The following CACNA2D2 variants were observed in gnomAD, a reference collection of about 807,000 sequenced individuals.
CACNA2D2 encodes the protein voltage-dependent calcium channel subunit alpha-2/delta-2.
In CACNA2D2, 48 loss-of-function variants were observed where a neutral mutation model predicts 166.4. That is an observed-to-expected ratio of 0.29 (90% confidence interval 0.23 to 0.37). CACNA2D2 has a LOEUF of 0.37. Among genes scored for constraint, CACNA2D2 ranks in the 10% least tolerant of loss-of-function variants. CACNA2D2 has a pLI of 1.00. For missense variants in CACNA2D2, 1,122 were observed against 1,433.0 expected, an observed-to-expected ratio of 0.78 and a Z score of 3.50; for synonymous variants, 561 against 573.7, an observed-to-expected ratio of 0.98 and a Z score of 0.32.
At chr3:50,406,593 T>G (rs1706724519) in intron 3 of CACNA2D2, among the ~76,000 whole-genome samples, 1 of 150,378 alleles carries the variant, frequency 6.6e-6, no homozygotes, top group Non-Finnish European at 1.5e-5. Flanking sequence ...ATCCTCCCCA[T>G]CACCATTGCC....
intron 2 of CACNA2D2, among the ~76,000 whole-genome samples, chr3:50,464,682 C>T (rs959878362): frequency 6.6e-6 from 1 of 152,206 alleles, no homozygotes; most frequent in African/African-American, 2.4e-5. Flanking sequence ...GTCTGCTTTG[C>T]CCCTAGAAGG....
chr3:50,461,191 T>C (rs1412701937), intron 2 of CACNA2D2, among the ~76,000 whole-genome samples: 1 of 151,948 alleles, frequency 6.6e-6, no homozygotes. Flanking sequence ...AGGGAGAAAA[T>C]TTACAAGTTT....
At chr3:50,393,662 C>T (rs1451285104) in intron 4 of CACNA2D2, among the ~76,000 whole-genome samples, 1 of 152,206 alleles carries the variant, frequency 6.6e-6, no homozygotes, top group African/African-American at 2.4e-5. Context: ...AGCCTGAGGG[C>T]CTCCAGGGTG....
intron 3 of CACNA2D2, among the ~76,000 whole-genome samples, chr3:50,431,983 A>T (rs1259528747): frequency 9.2e-6 from 1 of 108,850 alleles, no homozygotes; most frequent in Non-Finnish European, 2.0e-5. Context: ...TCTGTCTCAA[A>T]AAAAAAAAAA....
At chr3:50,381,263 T>C (rs923923071) in intron 6 of CACNA2D2, 137 bp from the exon 7 acceptor site, 10 of 988,322 alleles carry the variant, frequency 1.0e-5, no homozygotes, top group Non-Finnish European at 1.5e-5. Context: ...CCCTATTTCC[T>C]AGGGCCCAGC....
intron 22 of CACNA2D2, chr3:50,372,975 G>A (rs1180697147): frequency 3.9e-6 from 4 of 1,032,462 alleles, no homozygotes; most frequent in Non-Finnish European, 4.3e-6. Flanking sequence ...GCAGGGGTTT[G>A]GCTGGTCCTG....
At chr3:50,415,407 G>C (rs1707222662) in intron 3 of CACNA2D2, among the ~76,000 whole-genome samples, 1 of 152,188 alleles carries the variant, frequency 6.6e-6, no homozygotes, top group Non-Finnish European at 1.5e-5. Context: ...CAGGCCTAGG[G>C]CTGCAGATTC....
At chr3:50,454,013 G>A (rs774546047) in intron 2 of CACNA2D2, among the ~76,000 whole-genome samples, 3 of 152,170 alleles carry the variant, frequency 2.0e-5, no homozygotes, top group Admixed American at 6.5e-5. Flanking sequence ...CCCGGGTTCC[G>A]GTGCCTGCTC....
In CACNA2D2 at chr3:50,367,650, G is replaced by A; in HGVS notation, c.2289C>T (p.Phe763=). Reference sequence around the variant, plus strand: ...TGGGATAGGTCACTTACTTGTTGGGGAAGACTCGGGTGATGCCACCGTCTG... The same window carrying A: ...TGGGATAGGTCACTTACTTGTTGGGAAAGACTCGGGTGATGCCACCGTCTG... ...AATDGGITRV[F]PNKAAEDWTE... Residue 763 remains phenylalanine (F), a synonymous_variant, in exon 26 of 38, where the codon TTC becomes TTT. Coordinates refer to ENST00000424201, the MANE Select transcript of CACNA2D2 (RefSeq NM_006030.4). The surrounding 1 kb of genome is among the most constrained non-coding windows in gnomAD (Gnocchi z 6.5). The A allele has an allele frequency of 1.2e-6, 2 of 1,611,684 alleles. No homozygotes were observed. Among genetic ancestry groups the A allele is most frequent in the South Asian group, 2.2e-5 (2 of 90,962 alleles).
chr3:50,395,032 G>C (rs547799259), intron 3 of CACNA2D2, among the ~76,000 whole-genome samples: 2 of 152,242 alleles, frequency 1.3e-5, no homozygotes, highest in East Asian at 3.9e-4. Context: ...GTTCTTATTT[G>C]GTACTTTCTA....
At chr3:50,469,518 A>G (rs1474423221) in intron 2 of CACNA2D2, among the ~76,000 whole-genome samples, 2 of 152,150 alleles carry the variant, frequency 1.3e-5, no homozygotes, top group African/African-American at 4.8e-5. Flanking sequence ...AAGGGCAGGC[A>G]ATTGACAGTG....
At chr3:50,499,251 A>G (rs1340666661) in intron 1 of CACNA2D2, among the ~76,000 whole-genome samples, 2 of 152,194 alleles carry the variant, frequency 1.3e-5, no homozygotes, top group Admixed American at 6.5e-5. Context: ...CTGAGAAAAG[A>G]GCACAGTCAT....
In CACNA2D2 at chr3:50,390,049, C is replaced by T. The variant is rs115310229; in HGVS notation, c.466-2437G>A. Among the ~76,000 whole-genome samples the T allele has an allele frequency of 7.6e-3, 1,157 of 152,202 alleles. 17 individuals are homozygous for T. Among genetic ancestry groups the T allele is most frequent in the African/African-American group, 0.013 (524 of 41,506 alleles). ...GGGTCCCTGAGAAGGCCTCTGTCTG[C>T]TTGGGCCAACACAGTACCTGAATGT... On this transcript the variant is annotated intron_variant, in intron 4 of 37. Transcript: ENST00000424201.
chr3:50,445,515 A>G (rs1305851134), intron 2 of CACNA2D2, among the ~76,000 whole-genome samples: 1 of 152,070 alleles, frequency 6.6e-6, no homozygotes, highest in Admixed American at 6.6e-5. Context: ...CCTACTTCCA[A>G]TTTTTAGGCT....
intron 2 of CACNA2D2, among the ~76,000 whole-genome samples, chr3:50,441,910 C>T (rs1270794976): frequency 6.6e-6 from 1 of 152,222 alleles, no homozygotes; most frequent in Non-Finnish European, 1.5e-5. Flanking sequence ...ACACTCAGGA[C>T]TCCCAAAGCC....
At position 50,497,239 on chromosome 3, in the gene CACNA2D2, C is replaced by CA. The variant is rs556315050; in HGVS notation, c.206+5978dup. On this transcript the variant is annotated intron_variant, in intron 1 of 37. Coordinates refer to ENST00000424201, the MANE Select transcript of CACNA2D2 (RefSeq NM_006030.4). ...CTGTCTTCTTAGGGCATTGGAATGTCAGAGTTGGAAGGATCCTGGAAGAAA... is the reference window on the plus strand; with the variant it reads ...CTGTCTTCTTAGGGCATTGGAATGTCAAGAGTTGGAAGGATCCTGGAAGAAA... 3.5e-4 allele frequency among the ~76,000 whole-genome samples: 54 copies of CA among 152,228 alleles called. 2 individuals carry two copies. In the South Asian group the frequency reaches 0.011, roughly 31 times the overall value.
Position 50,376,164 on chromosome 3 carries a change from C to A in CACNA2D2, c.1651G>T (p.Ala551Ser). 6.2e-7 allele frequency: 1 copy of A among 1,613,526 alleles called. No homozygotes were observed. The highest frequency in any genetic ancestry group is 1.7e-5 in the Admixed American group (1 of 60,022). ...YTLGANGYVF[A>S]IDLNGYVLLH... ...AACACGTAGCCGTTCAGGTCAATGGCAAACACATAGCCGTTGGCTCCAAGC... is the reference window on the plus strand; with the variant it reads ...AACACGTAGCCGTTCAGGTCAATGGAAAACACATAGCCGTTGGCTCCAAGC... The change falls in exon 18 of 38, where the codon GCC becomes TCC. Residue 551 changes from alanine (A) to serine (S), a missense_variant. By Grantham distance (99) the Ala-to-Ser change is moderately conservative. Around this residue, in one of 2 missense-constraint regions of CACNA2D2, gnomAD observed 840 missense variants for 1,166.8 expected, o/e 0.72. Transcript: ENST00000424201. This position sits in a 1 kb window ranked among gnomAD's most constrained non-coding sequence, Gnocchi z 4.3.
intron 1 of CACNA2D2, among the ~76,000 whole-genome samples, chr3:50,496,718 G>A (rs1698740325): frequency 6.6e-6 from 1 of 152,234 alleles, no homozygotes; most frequent in Non-Finnish European, 1.5e-5. Flanking sequence ...AGCCACGGAA[G>A]CCCTGTTTTA....
chr3:50,483,380 G>C (rs145952405), intron 1 of CACNA2D2, among the ~76,000 whole-genome samples: 1 of 152,168 alleles, frequency 6.6e-6, no homozygotes, highest in Admixed American at 6.5e-5. Flanking sequence ...CATCTCTCTC[G>C]ACCATGTGTG....
Sources: gnomAD v4.1 joint callset for allele counts (sites outside exome capture counted in the v4.1 genomes callset) on GRCh38, gnomAD v4.1.1 for gene constraint, gnomAD v4.1.1 regional missense constraint, Gnocchi (gnomAD v3.1) non-coding constraint, MANE v1.5 for transcripts, NCBI Gene and HGNC (gene_info 2026-07-23, HGNC 2026-07-21) for gene names.